SUCLG2: variants seen among roughly 807,000 people sequenced by gnomAD.
SUCLG2 encodes succinate-CoA ligase GDP-forming subunit beta, also known as succinate--CoA ligase [GDP-forming] subunit beta, mitochondrial.
Under a neutral mutation model 47.9 loss-of-function variants are expected in SUCLG2, and 42 were observed. The observed-to-expected ratio is 0.88, with a 90% CI of 0.69 to 1.14. The LOEUF (loss-of-function observed/expected upper bound fraction) is 1.14, where lower values mean the gene tolerates loss of function less well. SUCLG2 is among the 50% of genes most tolerant of loss of function. The probability of loss-of-function intolerance (pLI) is 0.00; values close to 1 mark genes in which losing one functional copy is unlikely to be tolerated. For missense variants in SUCLG2, 571 were observed against 525.9 expected (o/e 1.09, Z -0.84); for synonymous variants, 195 against 197.3 (o/e 0.99, Z 0.10).
chr3:67,435,385 C>T (rs1241417319), intron 9 of SUCLG2, among the ~76,000 whole-genome samples: 1 of 152,134 alleles, frequency 6.6e-6, no homozygotes, highest in African/African-American at 2.4e-5. Flanking sequence ...TTAACACTAG[C>T]AGTTGTTAAT....
In SUCLG2 at chr3:67,427,731, A is replaced by G. The variant is rs572561014; in HGVS notation, c.1063-26880T>C. On this transcript the variant is annotated intron_variant, in intron 9 of 10. Coordinates refer to ENST00000307227, the MANE Select transcript of SUCLG2 (RefSeq NM_003848.4). ...TTTCCTAGCCAAGAGAAGCCCTGACAAACAGTATCTGGAAAATCAGGACAC... is the reference window on the plus strand; with the variant it reads ...TTTCCTAGCCAAGAGAAGCCCTGACGAACAGTATCTGGAAAATCAGGACAC... Among the ~76,000 whole-genome samples, 27 of 152,334 alleles carry G rather than the reference A, an allele frequency of 1.8e-4. No individual in the cohort carries two copies. In the South Asian group the frequency reaches 5.6e-3, roughly 32 times the overall value.
chr3:67,407,227 T>G (rs1702834030), intron 9 of SUCLG2, among the ~76,000 whole-genome samples: 1 of 152,222 alleles, frequency 6.6e-6, no homozygotes, highest in Admixed American at 6.5e-5. Context: ...TTTGCTAACC[T>G]GACACAGATG....
intron 9 of SUCLG2, among the ~76,000 whole-genome samples, chr3:67,485,251 T>A (rs567442331): frequency 2.0e-5 from 3 of 152,214 alleles, no homozygotes; most frequent in African/African-American, 7.2e-5. Context: ...ATAAAAAATA[T>A]GTAGCTTGGT....
At chr3:67,459,258 T>A (rs1385997205) in intron 9 of SUCLG2, among the ~76,000 whole-genome samples, 1 of 152,190 alleles carries the variant, frequency 6.6e-6, no homozygotes, top group Non-Finnish European at 1.5e-5. Flanking sequence ...ACACACTTAG[T>A]TCTCTTTGTA....
At chr3:67,434,813 T>C (rs1003248078) in intron 9 of SUCLG2, among the ~76,000 whole-genome samples, 2 of 152,200 alleles carry the variant, frequency 1.3e-5, no homozygotes, top group African/African-American at 4.8e-5. Context: ...TCATTTCTTT[T>C]CTCTTTTCAT....
Position 67,508,827 on chromosome 3 carries a change from C to A in SUCLG2, c.737G>T (p.Gly246Val). Reference protein sequence around the residue: ...DATQVEVNPFGETPEGQVVCF... With the variant: ...DATQVEVNPFVETPEGQVVCF... Reference sequence around the variant, plus strand: ...TTTACCTTGTCCTTCTGGAGTTTCACCAAAGGGATTCACTTCCACCTGAGT... The same window carrying A: ...TTTACCTTGTCCTTCTGGAGTTTCAACAAAGGGATTCACTTCCACCTGAGT... Residue 246 changes from glycine (G) to valine (V), a missense_variant, in exon 7 of 11, where the codon GGT becomes GTT. Transcript: ENST00000307227. The A allele has an allele frequency of 6.2e-7, 1 of 1,605,844 alleles. No homozygotes were observed. Among genetic ancestry groups the A allele is most frequent in the Non-Finnish European group, 8.5e-7 (1 of 1,176,838 alleles).
At chr3:67,511,602 G>T (rs559046065) in intron 6 of SUCLG2, among the ~76,000 whole-genome samples, 3 of 152,180 alleles carry the variant, frequency 2.0e-5, no homozygotes, top group Non-Finnish European at 4.4e-5. Context: ...ATGTGGAATT[G>T]TAAGTAAATT....
At chr3:67,475,860 T>C (rs73104360) in intron 9 of SUCLG2, among the ~76,000 whole-genome samples, 3,550 of 152,130 alleles carry the variant, frequency 0.023, 55 homozygotes, top group African/African-American at 0.038. Context: ...AACAAAAATG[T>C]TTCCCTTTTG....
At chr3:67,400,664 C>A in intron 10 of SUCLG2, 67 bp downstream of exon 10, 1 of 1,584,572 alleles carries the variant, frequency 6.3e-7, no homozygotes. Flanking sequence ...TTTGTGAATC[C>A]AGAACATGCT....
At chr3:67,515,953 C>A (rs186467010) in intron 6 of SUCLG2, among the ~76,000 whole-genome samples, 1 of 152,232 alleles carries the variant, frequency 6.6e-6, no homozygotes, top group East Asian at 1.9e-4. Flanking sequence ...TCCCTCTGCC[C>A]GCTGCCCCCT....
chr3:67,410,469 A>G (rs1702910359), intron 9 of SUCLG2, among the ~76,000 whole-genome samples: 1 of 151,858 alleles, frequency 6.6e-6, no homozygotes, highest in South Asian at 2.1e-4. Context: ...GGGCACAGAG[A>G]TTTGGGGGAA....
chr3:67,387,463 C>T (rs773786952), intron 10 of SUCLG2, among the ~76,000 whole-genome samples: 42 of 152,160 alleles, frequency 2.8e-4, no homozygotes, highest in Non-Finnish European at 4.9e-4. Flanking sequence ...ATGCACACTA[C>T]GATTGACCCA....
chr3:67,399,444 A>AT (rs1171655621), intron 10 of SUCLG2, among the ~76,000 whole-genome samples: 1 of 152,232 alleles, frequency 6.6e-6, no homozygotes, highest in Non-Finnish European at 1.5e-5. Flanking sequence ...TTTCTTAAAT[A>AT]TGAGTGAAGT....
chr3:67,395,457 C>A (rs1702501583), intron 10 of SUCLG2, among the ~76,000 whole-genome samples: 1 of 152,166 alleles, frequency 6.6e-6, no homozygotes, highest in African/African-American at 2.4e-5. Flanking sequence ...GGGATCAATT[C>A]AACAAGAAGA....
chr3:67,494,475 A>T (rs1380472659), intron 9 of SUCLG2, among the ~76,000 whole-genome samples: 1 of 152,088 alleles, frequency 6.6e-6, no homozygotes, highest in Non-Finnish European at 1.5e-5. Context: ...AATAAAAAAA[A>T]ATTGGCCAGG....
chr3:67,521,048 C>T (rs568118105), intron 4 of SUCLG2, among the ~76,000 whole-genome samples: 5 of 152,164 alleles, frequency 3.3e-5, no homozygotes, highest in Non-Finnish European at 5.9e-5. Context: ...TTGCCACAGA[C>T]GGATTCTTTT....
intron 9 of SUCLG2, among the ~76,000 whole-genome samples, chr3:67,470,680 AT>A (rs1203801284): frequency 7.9e-5 from 12 of 152,274 alleles, no homozygotes; most frequent in Non-Finnish European, 1.3e-4. Flanking sequence ...CCCTAACCAG[AT>A]GGTTGAGCAG....
chr3:67,570,032 G>A (rs1353369298), intron 2 of SUCLG2, among the ~76,000 whole-genome samples: 1 of 152,108 alleles, frequency 6.6e-6, no homozygotes, highest in Admixed American at 6.5e-5. Context: ...CATTAGGAAG[G>A]GACCTAATCC....
intron 2 of SUCLG2, among the ~76,000 whole-genome samples, chr3:67,571,786 T>C (rs1464741247): frequency 6.6e-6 from 1 of 152,212 alleles, no homozygotes; most frequent in African/African-American, 2.4e-5. Context: ...TTAGAACAGA[T>C]GTAGGACTCC....
Sources: allele counts gnomAD v4.1 joint callset (sites outside exome capture counted in the v4.1 genomes callset), GRCh38; gene constraint gnomAD v4.1.1; transcripts MANE v1.5; gene names NCBI Gene and HGNC (gene_info 2026-07-23, HGNC 2026-07-21).